The following PDIA4 variants were observed in gnomAD, a reference collection of about 807,000 sequenced individuals.
PDIA4 encodes the protein protein disulfide isomerase family A member 4, also known as protein disulfide-isomerase A4.
In PDIA4, 33 loss-of-function variants were observed where a neutral mutation model predicts 62.1. That is an observed-to-expected ratio of 0.53 (90% CI 0.40 to 0.71). PDIA4 has a LOEUF of 0.71. Ranked by LOEUF, PDIA4 falls within the 30% of genes least tolerant of loss-of-function variation. The pLI is 0.00. For synonymous variants in PDIA4, 341 were observed against 324.1 expected (o/e 1.05, Z -0.56); for missense variants, 804 against 813.6 (o/e 0.99, Z 0.14).
chr7:149,028,463 G>T lies in PDIA4; in HGVS notation c.-55C>A. 1 of 1,260,136 alleles carries T rather than the reference G, an allele frequency of 7.9e-7. No individual in the cohort carries two copies. Among genetic ancestry groups the T allele is most frequent in the South Asian group, 1.5e-5 (1 of 68,242 alleles). 78.1% of individuals were successfully genotyped at this position (1,260,136 alleles called of 1,614,324 possible). ...CGTCGGCGGCCGCTGAGCGCACCGA[G>T]AACTCGGGGTCTGGCCGACAGCCCG... On this transcript the variant is annotated 5_prime_UTR_variant, in exon 1 of 10. Transcript: ENST00000652332.
rs552330541 is a variant in PDIA4, at chr7:149,004,771, C to G, written c.1522+370G>C. 1.3e-3 allele frequency among the ~76,000 whole-genome samples: 195 copies of G among 152,344 alleles called. 3 individuals are homozygous for G. The highest frequency in any genetic ancestry group is 4.3e-3 in the African/African-American group (177 of 41,582). ...GATGCCCCCTCTGCACACCCCGGCC[C>G]TAGTCTGGAATTTTAGCACATCAGC... On this transcript the variant is annotated intron_variant, in intron 9 of 9. Coordinates refer to ENST00000652332, the MANE Select transcript of PDIA4 (RefSeq NM_004911.5).
At chr7:149,028,299 C>A in intron 1 of PDIA4, 22 bp downstream of exon 1, 1 of 1,505,610 alleles carries the variant, frequency 6.6e-7, no homozygotes, top group Non-Finnish European at 8.9e-7. Flanking sequence ...ACAGCCCGAC[C>A]CGCGGCGCGC....
At chr7:149,012,108 G>C in intron 5 of PDIA4, 47 bp downstream of exon 5, 2 of 1,611,206 alleles carry the variant, frequency 1.2e-6, no homozygotes, top group Non-Finnish European at 1.7e-6. Context: ...TTCCTGTTAG[G>C]GAGTTTCCCT....
At chr7:149,015,143 G>C (rs1824084268) in intron 3 of PDIA4, 101 bp from the exon 4 acceptor site, 2 of 1,227,214 alleles carry the variant, frequency 1.6e-6, no homozygotes, top group Middle Eastern at 2.6e-4. Context: ...GCAAGTGTCG[G>C]GGCCCACAAG....
Position 149,006,757 on chromosome 7 carries a change from G to C in PDIA4, c.1132-704C>G, listed in dbSNP as rs6947874. Among the ~76,000 whole-genome samples, 981 of 152,334 alleles carry C rather than the reference G, an allele frequency of 6.4e-3. 8 individuals carry two copies. The highest frequency in any genetic ancestry group is 0.023 in the African/African-American group (939 of 41,568). ...GATGTGCTGAAAAGGTGGGTAAGGA[G>C]GGCCTGGGAGGCCATGCTAAGGCAC... On this transcript the variant is annotated intron_variant, in intron 7 of 9. Transcript: ENST00000652332.
Position 149,003,561 on chromosome 7 carries a change from C to G in PDIA4, c.*233G>C, listed in dbSNP as rs1190170529. 2.6e-6 allele frequency: 1 copy of G among 381,166 alleles called. No homozygotes were observed. Among genetic ancestry groups the G allele is most frequent in the African/African-American group, 2.1e-5 (1 of 48,204 alleles). The allele number at this position is 381,166 out of a possible 1,614,324, so 23.6% of individuals were successfully genotyped here. A position where few individuals can be genotyped will look rare whatever the true frequency, so the allele number is the denominator to read the frequency against. Reference sequence around the variant, plus strand: ...GTGTAAAAAAAAATTTTTCAAACCCCAAATAATGATAAAAATAGATGTATC... The same window carrying G: ...GTGTAAAAAAAAATTTTTCAAACCCGAAATAATGATAAAAATAGATGTATC... On this transcript the variant is annotated 3_prime_UTR_variant, in exon 10 of 10. Transcript: ENST00000652332.
intron 6 of PDIA4, among the ~76,000 whole-genome samples, chr7:149,011,521 G>A (rs1283980467): frequency 6.6e-6 from 1 of 152,200 alleles, no homozygotes; most frequent in East Asian, 1.9e-4. Flanking sequence ...GATAATAACT[G>A]GAAGAGCCAG....
chr7:149,008,420 G>C (rs1823834886), intron 6 of PDIA4, 110 bp from the exon 7 acceptor site: 5 of 1,152,570 alleles, frequency 4.3e-6, no homozygotes, highest in Non-Finnish European at 6.3e-6. Context: ...ACCACTGTAG[G>C]CTGGGCGCGG....
At chr7:149,011,489 A>G (rs1358946699) in intron 6 of PDIA4, among the ~76,000 whole-genome samples, 1 of 152,240 alleles carries the variant, frequency 6.6e-6, no homozygotes, top group African/African-American at 2.4e-5. Context: ...AGGCTAACTG[A>G]GTCACCACCT....
rs1824632526 is a variant in PDIA4, at chr7:149,028,314, C to T, written c.88+7G>A. 6.6e-7 allele frequency: 1 copy of T among 1,518,054 alleles called. No homozygotes were observed. The highest frequency in any genetic ancestry group is 8.8e-7 in the Non-Finnish European group (1 of 1,135,878). The allele number at this position is 1,518,054 out of a possible 1,614,324, so 94.0% of individuals were successfully genotyped here. The stretch of plus-strand genomic sequence containing the variant: ...ACAGCCCGACCCGCGGCGCGCTTGC[C>T]GCTCACCCTCGTCCGGGCCCTCGGC... On this transcript the variant is annotated splice_region_variant and intron_variant, in intron 1 of 9. Coordinates refer to ENST00000652332, the MANE Select transcript of PDIA4 (RefSeq NM_004911.5).
intron 6 of PDIA4, among the ~76,000 whole-genome samples, 169 bp downstream of exon 6, chr7:149,011,677 C>T (rs747549180): frequency 2.6e-5 from 4 of 152,238 alleles, no homozygotes; most frequent in Non-Finnish European, 5.9e-5. Flanking sequence ...ACAGGGGACC[C>T]ATCTCCAGCC....
At chr7:149,013,110 T>C (rs764846720) in intron 4 of PDIA4, among the ~76,000 whole-genome samples, 9 of 152,044 alleles carry the variant, frequency 5.9e-5, no homozygotes, top group Admixed American at 6.6e-5. Flanking sequence ...TAGCTGGGCA[T>C]GGTGGTGGGC....
intron 3 of PDIA4, among the ~76,000 whole-genome samples, chr7:149,017,005 G>A (rs1323691236): frequency 6.6e-6 from 1 of 152,170 alleles, no homozygotes; most frequent in Non-Finnish European, 1.5e-5. Flanking sequence ...AAGGAGCAGA[G>A]GAGAGCCTCT....
At chr7:149,018,336 C>A (rs2129505159) in intron 3 of PDIA4, among the ~76,000 whole-genome samples, 1 of 152,334 alleles carries the variant, frequency 6.6e-6, no homozygotes, top group East Asian at 1.9e-4. Context: ...GCAAGCTGAA[C>A]AAGCCCTCCA....
intron 1 of PDIA4, among the ~76,000 whole-genome samples, chr7:149,025,512 T>C (rs1390721376): frequency 3.9e-5 from 6 of 152,346 alleles, no homozygotes; most frequent in African/African-American, 1.4e-4. Flanking sequence ...TACCAGGCAC[T>C]GTGCTGGGCT....
intron 8 of PDIA4, 61 bp from the exon 9 acceptor site, chr7:149,005,435 C>G (rs1050036218): frequency 1.9e-6 from 2 of 1,075,632 alleles, no homozygotes; most frequent in African/African-American, 3.1e-5. Flanking sequence ...AGCTCAGACT[C>G]TGAGGTCAGG....
At chr7:149,024,922 C>T (rs1466121262) in intron 1 of PDIA4, among the ~76,000 whole-genome samples, 2 of 150,038 alleles carry the variant, frequency 1.3e-5, no homozygotes, top group Non-Finnish European at 3.0e-5. Flanking sequence ...GTCGGGAGTT[C>T]GAGACCAGCC....
At chr7:149,026,392 T>C (rs937067066) in intron 1 of PDIA4, among the ~76,000 whole-genome samples, 23 of 152,242 alleles carry the variant, frequency 1.5e-4, no homozygotes, top group African/African-American at 5.5e-4. Flanking sequence ...GGCTCACTCC[T>C]GTAATCTCAG....
chr7:149,022,727 G>T (rs778599893), intron 1 of PDIA4, among the ~76,000 whole-genome samples: 2 of 152,096 alleles, frequency 1.3e-5, no homozygotes, highest in Admixed American at 6.6e-5. Context: ...GCCTAGCCAC[G>T]GAGGCAGCCT....
Sources: allele counts gnomAD v4.1 joint callset (sites outside exome capture counted in the v4.1 genomes callset), GRCh38; gene constraint gnomAD v4.1.1; transcripts MANE v1.5; gene names NCBI Gene and HGNC (gene_info 2026-07-23, HGNC 2026-07-21).